The following HPSE2 variants were observed in gnomAD, a reference collection of about 807,000 sequenced individuals.
HPSE2 encodes heparanase 2 (inactive).
HPSE2 carries 38 observed loss-of-function variants against 60.5 expected under a neutral mutation model. The observed-to-expected ratio is 0.63, with a 90% CI of 0.48 to 0.82. HPSE2 has a LOEUF of 0.82. HPSE2 is among the 40% of genes least tolerant of loss of function. The probability of loss-of-function intolerance (pLI) is 0.00; values close to 1 mark genes in which losing one functional copy is unlikely to be tolerated. For missense variants in HPSE2, 713 were observed against 740.4 expected (o/e 0.96, Z 0.43); for synonymous variants, 295 against 293.2 (o/e 1.01, Z -0.06).
At chr10:99,205,442 C>T (rs1372897363) in intron 2 of HPSE2, among the ~76,000 whole-genome samples, 2 of 151,932 alleles carry the variant, frequency 1.3e-5, no homozygotes, top group Admixed American at 1.3e-4. Context: ...ATTAGCCAGG[C>T]ATGGTGGCAG....
intron 9 of HPSE2, among the ~76,000 whole-genome samples, chr10:98,529,825 A>T (rs1174586436): frequency 2.0e-5 from 3 of 152,194 alleles, no homozygotes; most frequent in African/African-American, 7.2e-5. Context: ...GTTCTTCCTA[A>T]GCAAGGTTAG....
At chr10:98,991,161 AAC>A (rs1401810991) in intron 3 of HPSE2, among the ~76,000 whole-genome samples, 1 of 152,230 alleles carries the variant, frequency 6.6e-6, no homozygotes, top group Non-Finnish European at 1.5e-5. Flanking sequence ...CTAAGAATAT[AAC>A]ACAGAACAAA....
chr10:98,749,488 T>A (rs1024938026), intron 3 of HPSE2, among the ~76,000 whole-genome samples: 2 of 150,882 alleles, frequency 1.3e-5, no homozygotes, highest in Non-Finnish European at 2.9e-5. Flanking sequence ...CATGTATATA[T>A]ACAGATATAT....
chr10:98,616,427 A>T (rs1945910362), intron 8 of HPSE2, among the ~76,000 whole-genome samples: 1 of 152,226 alleles, frequency 6.6e-6, no homozygotes, highest in Non-Finnish European at 1.5e-5. Flanking sequence ...TTTGAGAATC[A>T]CCATTCAGCA....
intron 3 of HPSE2, among the ~76,000 whole-genome samples, chr10:98,894,944 T>C (rs557899483): frequency 3.3e-5 from 5 of 151,852 alleles, no homozygotes; most frequent in Non-Finnish European, 7.4e-5. Context: ...CAACAATGGA[T>C]GCCAAAAGAT....
the HPSE2 span, among the ~76,000 whole-genome samples, chr10:99,300,778 G>T: frequency 2.0e-5 from 3 of 152,170 alleles, no homozygotes; most frequent in Non-Finnish European, 4.4e-5. Flanking sequence ...GTTCCCAGCA[G>T]AGCTGTTAAT....
chr10:98,561,757 A>G (rs1224598364), intron 9 of HPSE2, among the ~76,000 whole-genome samples: 1 of 152,140 alleles, frequency 6.6e-6, no homozygotes, highest in Admixed American at 6.5e-5. Flanking sequence ...TTGAGGCACG[A>G]GAATCACTTG....
intron 3 of HPSE2, among the ~76,000 whole-genome samples, chr10:99,143,302 T>C (rs184646335): frequency 4.6e-4 from 70 of 152,238 alleles, no homozygotes; most frequent in African/African-American, 1.7e-3. Flanking sequence ...AGCAAAACAA[T>C]TTGGTTGCCA....
upstream of HPSE2, among the ~76,000 whole-genome samples, chr10:99,238,230 A>G (rs1456177357): frequency 6.6e-6 from 1 of 152,224 alleles, no homozygotes; most frequent in East Asian, 1.9e-4. Flanking sequence ...ATTGGGACCA[A>G]TGGAAGACAA....
rs145474640 is a variant in HPSE2, at chr10:98,654,124, T to G, written c.1005-12184A>C. Among the ~76,000 whole-genome samples, 1,167 of 152,252 alleles carry G rather than the reference T, an allele frequency of 7.7e-3. 12 individuals carry two copies. Among genetic ancestry groups the G allele is most frequent in the Middle Eastern group, 0.024 (7 of 294 alleles). On this transcript the variant is annotated intron_variant, in intron 6 of 11. Transcript: ENST00000370552. ...TTTAGGTAAGGTATTGTTTTCCTAT[T>G]GTTTTTCAAGATTTTCTCTTTTTTC... is the stretch of plus-strand genomic sequence containing the variant.
intron 3 of HPSE2, among the ~76,000 whole-genome samples, chr10:98,963,046 G>A (rs1354432810): frequency 2.0e-5 from 3 of 152,090 alleles, no homozygotes; most frequent in Non-Finnish European, 4.4e-5. Context: ...CATCCCACCT[G>A]TGGAATAGTG....
intron 3 of HPSE2, among the ~76,000 whole-genome samples, chr10:99,055,139 A>G (rs988864627): frequency 6.6e-6 from 1 of 152,266 alleles, no homozygotes; most frequent in Non-Finnish European, 1.5e-5. Context: ...AAACCAAAAA[A>G]GCATTTTAAT....
rs1229791282 is a variant in HPSE2, at chr10:98,940,603, C to A, written c.611-196547G>T. On this transcript the variant is annotated intron_variant, in intron 3 of 11. Coordinates refer to ENST00000370552, the MANE Select transcript of HPSE2 (RefSeq NM_021828.5). ...GTGGCAATAATCAATAGCTTACCAA[C>A]CAAAAAGAGTCCAGGACCAGATGGA... Among the ~76,000 whole-genome samples the A allele has an allele frequency of 1.7e-4, 24 of 139,562 alleles. 1 individual carries two copies. Among genetic ancestry groups the A allele is most frequent in the Non-Finnish European group, 2.4e-4 (16 of 66,026 alleles). 91.6% of individuals were successfully genotyped at this position (139,562 alleles called of 152,430 possible). A position where few individuals can be genotyped will look rare whatever the true frequency, so the allele number is the denominator to read the frequency against.
chr10:99,008,570 C>T (rs1325341675), intron 3 of HPSE2, among the ~76,000 whole-genome samples: 1 of 152,180 alleles, frequency 6.6e-6, no homozygotes, highest in Non-Finnish European at 1.5e-5. Flanking sequence ...AGAATTAATG[C>T]TTTCTTTAAT....
At chr10:98,980,453 T>G (rs1956180554) in intron 3 of HPSE2, among the ~76,000 whole-genome samples, 2 of 151,956 alleles carry the variant, frequency 1.3e-5, no homozygotes, top group South Asian at 4.2e-4. Flanking sequence ...TAAGAGAAAC[T>G]CCAGGGATGT....
At chr10:98,559,853 G>A (rs775819300) in intron 9 of HPSE2, among the ~76,000 whole-genome samples, 1 of 152,184 alleles carries the variant, frequency 6.6e-6, no homozygotes, top group South Asian at 2.1e-4. Context: ...TTTGTGAGCT[G>A]TATTTTTTAA....
At chr10:98,546,944 A>C (rs1489602674) in intron 9 of HPSE2, among the ~76,000 whole-genome samples, 10 of 148,096 alleles carry the variant, frequency 6.8e-5, no homozygotes, top group South Asian at 2.2e-4. Flanking sequence ...CAATGAACTC[A>C]AACAAATTTA....
chr10:98,996,040 GA>G (rs1589485716), intron 3 of HPSE2, among the ~76,000 whole-genome samples: 2 of 151,892 alleles, frequency 1.3e-5, no homozygotes, highest in East Asian at 3.9e-4. Flanking sequence ...AATTTGTTTT[GA>G]CAAATTAAAT....
Position 99,013,179 on chromosome 10 carries a change from A to G in HPSE2, c.610+131059T>C, listed in dbSNP as rs935963310. ...ACCAGTTAGAGAACAGCATGCCTGG[A>G]TATGCCACTGGTGATCTTTAATAGA... On this transcript the variant is annotated intron_variant, in intron 3 of 11. Transcript: ENST00000370552. 6 of 671,632 alleles carry G rather than the reference A, an allele frequency of 8.9e-6. No individual in the cohort carries two copies. The African/African-American group carries it at 1.1e-4, about 12-fold the overall frequency. The allele number at this position is 671,632 out of a possible 1,614,324, so 41.6% of individuals were successfully genotyped here.
Sources: allele counts gnomAD v4.1 joint callset (sites outside exome capture counted in the v4.1 genomes callset), GRCh38; gene constraint gnomAD v4.1.1; transcripts MANE v1.5; gene names NCBI Gene and HGNC (gene_info 2026-07-23, HGNC 2026-07-21).